RHPN2: variants seen among roughly 807,000 people sequenced by gnomAD.
The protein encoded by RHPN2 is rhophilin-2.
Under a neutral mutation model 79.0 loss-of-function variants are expected in RHPN2, and 40 were observed. The ratio of observed to expected loss-of-function variants is 0.51; its 90% CI spans 0.39 to 0.66. The LOEUF is 0.66. Among genes scored for constraint, RHPN2 ranks in the 30% least tolerant of loss-of-function variants. The probability of loss-of-function intolerance (pLI) is 0.00; values close to 1 mark genes in which losing one functional copy is unlikely to be tolerated. For missense variants in RHPN2, 686 were observed against 883.5 expected (o/e 0.78, Z 2.83); for synonymous variants, 285 against 363.5 (o/e 0.78, Z 2.46).
intron 1 of RHPN2, among the ~76,000 whole-genome samples, chr19:33,063,162 C>A (rs1972296234): frequency 1.3e-5 from 2 of 152,132 alleles, no homozygotes; most frequent in African/African-American, 4.8e-5. Context: ...CCTCCTCCTG[C>A]AATTCCATGG....
chr19:33,024,865 C>T (rs1457373502), intron 3 of RHPN2, among the ~76,000 whole-genome samples: 1 of 152,136 alleles, frequency 6.6e-6, no homozygotes, highest in Non-Finnish European at 1.5e-5. Context: ...GATCTTCCCA[C>T]CTCAGCCTTC....
At chr19:33,005,412 C>CAAAAAAAAAAAA (rs766044835) in intron 7 of RHPN2, among the ~76,000 whole-genome samples, 1 of 62,726 alleles carries the variant, frequency 1.6e-5, no homozygotes. Context: ...GATTCTGTCT[C>CAAAAAAAAAAAA]AAAAAAAAAA....
chr19:32,980,335 C>T (rs1224225265), intron 14 of RHPN2, 79 bp from the exon 15 acceptor site: 8 of 1,535,652 alleles, frequency 5.2e-6, no homozygotes, highest in East Asian at 2.2e-5. Flanking sequence ...TGGCCAGGCG[C>T]GGTGGCTCAC....
At position 33,013,941 on chromosome 19, in the gene RHPN2, C is replaced by T. The variant is rs573587001; in HGVS notation, c.391-1217G>A. ...CTCGGCTGGAGTGCAGTGGTGCGATCGCGGCTCACTGCAGCCTCAACTTCT... is the reference window on the plus strand; with the variant it reads ...CTCGGCTGGAGTGCAGTGGTGCGATTGCGGCTCACTGCAGCCTCAACTTCT... On this transcript the variant is annotated intron_variant, in intron 4 of 14. Transcript: ENST00000254260. Among the ~76,000 whole-genome samples, 10 of 152,042 alleles carry T rather than the reference C, an allele frequency of 6.6e-5. No individual in the cohort carries two copies. In the South Asian group the frequency reaches 1.9e-3, roughly 28 times the overall value.
chr19:33,039,599 A>G (rs953288738), intron 2 of RHPN2, among the ~76,000 whole-genome samples: 3 of 152,116 alleles, frequency 2.0e-5, no homozygotes, highest in African/African-American at 7.2e-5. Flanking sequence ...GCACTTTGGG[A>G]GGCTGAGGCA....
intron 2 of RHPN2, among the ~76,000 whole-genome samples, chr19:33,031,752 G>T (rs1277283422): frequency 6.6e-6 from 1 of 151,984 alleles, no homozygotes; most frequent in East Asian, 1.9e-4. Flanking sequence ...CGTGATCTTG[G>T]CTCACTGCAT....
At chr19:33,039,183 G>A (rs1972080932) in intron 2 of RHPN2, among the ~76,000 whole-genome samples, 1 of 152,140 alleles carries the variant, frequency 6.6e-6, no homozygotes, top group South Asian at 2.1e-4. Flanking sequence ...GGAGGCTGGA[G>A]CGAGGACTGT....
rs544696332 is a variant in RHPN2, at chr19:32,997,287, A to G, written c.1226-1067T>C. 2.3e-3 allele frequency among the ~76,000 whole-genome samples: 345 copies of G among 152,368 alleles called. 4 individuals are homozygous for G. Among genetic ancestry groups the G allele is most frequent in the African/African-American group, 8.1e-3 (337 of 41,594 alleles). On this transcript the variant is annotated intron_variant, in intron 10 of 14. Coordinates refer to ENST00000254260, the MANE Select transcript of RHPN2 (RefSeq NM_033103.5). ...ATATTTACCAAATGTGCTGGGCACTAGAGATAAAGCAACGAGTAAACAAAC... is the reference window on the plus strand; with the variant it reads ...ATATTTACCAAATGTGCTGGGCACTGGAGATAAAGCAACGAGTAAACAAAC...
At chr19:33,043,358 C>T (rs1263492726) in intron 2 of RHPN2, among the ~76,000 whole-genome samples, 2 of 151,924 alleles carry the variant, frequency 1.3e-5, no homozygotes, top group Admixed American at 1.3e-4. Flanking sequence ...CAAGACCAGG[C>T]TGGCCAACAT....
rs775559980 is a variant in RHPN2, at chr19:33,064,767, C to A, written c.69+17G>T. On this transcript the variant is annotated intron_variant, in intron 1 of 14. Coordinates refer to ENST00000254260, the MANE Select transcript of RHPN2 (RefSeq NM_033103.5). ...TGGAGCCCGCAGGTCCCCGCCCGCC[C>A]GCCCGAAGCCGCCCACCTTCCGAAA... The A allele has an allele frequency of 1.3e-6, 2 of 1,502,574 alleles. No individual in the cohort carries two copies. The highest frequency in any genetic ancestry group is 1.8e-6 in the Non-Finnish European group (2 of 1,123,394). 93.1% of individuals were successfully genotyped at this position (1,502,574 alleles called of 1,614,324 possible). A position where few individuals can be genotyped will look rare whatever the true frequency, so the allele number is the denominator to read the frequency against.
intron 1 of RHPN2, among the ~76,000 whole-genome samples, chr19:33,056,184 C>A (rs1972231742): frequency 6.8e-6 from 1 of 147,264 alleles, no homozygotes; most frequent in Non-Finnish European, 1.5e-5. Flanking sequence ...GTGATCTCAG[C>A]TCACTGCAAC....
intron 1 of RHPN2, among the ~76,000 whole-genome samples, chr19:33,052,553 A>G (rs1214887372): frequency 1.3e-5 from 2 of 152,232 alleles, no homozygotes; most frequent in African/African-American, 4.8e-5. Context: ...CAAACTCTGG[A>G]AAACAGAATT....
At position 32,994,059 on chromosome 19, in the gene RHPN2, A is replaced by G. The variant is rs376300438; in HGVS notation, c.1421-6T>C. 25 of 1,598,064 alleles carry G rather than the reference A, an allele frequency of 1.6e-5. No individual in the cohort carries two copies. The African/African-American group carries it at 3.2e-4, about 21-fold the overall frequency. ...AACCTCTTGCTCAGTTTTAGCTAGA[A>G]TAGAGGATTAGAAATGGGAGGATAA... On this transcript the variant is annotated splice_region_variant and splice_polypyrimidine_tract_variant and intron_variant, in intron 11 of 14. Coordinates refer to ENST00000254260, the MANE Select transcript of RHPN2 (RefSeq NM_033103.5).
chr19:33,010,219 T>C (rs1327993184), intron 6 of RHPN2, among the ~76,000 whole-genome samples: 1 of 152,132 alleles, frequency 6.6e-6, no homozygotes, highest in Non-Finnish European at 1.5e-5. Context: ...GTCATCCCCC[T>C]TTCCTTTGCT....
At chr19:33,059,307 T>TA (rs1972260515) in intron 1 of RHPN2, among the ~76,000 whole-genome samples, 1 of 150,996 alleles carries the variant, frequency 6.6e-6, no homozygotes, top group South Asian at 2.1e-4. Flanking sequence ...TTATCATTTT[T>TA]TTTTTTTTTG....
At chr19:32,980,334 G>A (rs1259352512) in intron 14 of RHPN2, 78 bp from the exon 15 acceptor site, 19 of 1,550,958 alleles carry the variant, frequency 1.2e-5, no homozygotes, top group South Asian at 1.1e-4. Context: ...TTGGCCAGGC[G>A]CGGTGGCTCA....
At position 33,002,321 on chromosome 19, in the gene RHPN2, A is replaced by G; in HGVS notation, c.1031T>C (p.Leu344Ser). 1 of 1,613,900 alleles carries G rather than the reference A, an allele frequency of 6.2e-7. No homozygotes were observed. ...GTAGTGGTGGGCCTTCACGCAGGCT[A>G]AGCTGGCCCAGGAGTAGGGGATGTT... ...KENIPYSWASLACVKAHHYAA... is the reference protein window; with the variant it reads ...KENIPYSWASSACVKAHHYAA... Residue 344 changes from leucine (L) to serine (S), a missense_variant, in exon 9 of 15, where the codon TTA (leucine) becomes TCA (serine). Leu to Ser is a moderately radical substitution (Grantham distance 145). Coordinates refer to ENST00000254260, the MANE Select transcript of RHPN2 (RefSeq NM_033103.5).
At chr19:32,986,954 C>A (rs982051600) in intron 14 of RHPN2, among the ~76,000 whole-genome samples, 3 of 151,666 alleles carry the variant, frequency 2.0e-5, no homozygotes, top group African/African-American at 7.3e-5. Flanking sequence ...TAGCTCACTG[C>A]AGCCCCAACC....
rs567748140 is a variant in RHPN2, at chr19:33,023,793, A to G, written c.315-2147T>C. On this transcript the variant is annotated intron_variant, in intron 3 of 14. Coordinates refer to ENST00000254260, the MANE Select transcript of RHPN2 (RefSeq NM_033103.5). Reference sequence around the variant, plus strand: ...CAGTGAGACTCCATCTCAAAAAAAAAAAAAAAGAAAAAAAAGAAAACAGAA... The same window carrying G: ...CAGTGAGACTCCATCTCAAAAAAAAGAAAAAAGAAAAAAAAGAAAACAGAA... 3.3e-5 allele frequency among the ~76,000 whole-genome samples: 5 copies of G among 151,550 alleles called. No individual in the cohort carries two copies. The South Asian group carries it at 8.3e-4, about 25-fold the overall frequency.
Sources: gnomAD v4.1 joint callset for allele counts (sites outside exome capture counted in the v4.1 genomes callset) on GRCh38, gnomAD v4.1.1 for gene constraint, MANE v1.5 for transcripts, NCBI Gene and HGNC (gene_info 2026-07-23, HGNC 2026-07-21) for gene names.